HEATR4: variants seen among roughly 807,000 people sequenced by gnomAD.
HEATR4 encodes the protein HEAT repeat-containing protein 4.
A neutral mutation model predicts 108.8 loss-of-function variants in HEATR4; 95 were observed. The ratio of observed to expected loss-of-function variants is 0.87; its 90% CI spans 0.74 to 1.04. The LOEUF (loss-of-function observed/expected upper bound fraction) is 1.04, where lower values mean the gene tolerates loss of function less well. HEATR4 is among the 50% of genes least tolerant of loss of function. HEATR4 has a pLI of 0.00. For missense variants in HEATR4, 1,152 were observed against 1,253.8 expected (o/e 0.92, Z 1.23); for synonymous variants, 443 against 459.4 (o/e 0.96, Z 0.46).
At chr14:73,487,894 A>C (rs577291789) in intron 17 of HEATR4, among the ~76,000 whole-genome samples, 1 of 152,306 alleles carries the variant, frequency 6.6e-6, no homozygotes, top group Non-Finnish European at 1.5e-5. Flanking sequence ...AAAACATATA[A>C]AGGATGATAT....
the HEATR4 span, among the ~76,000 whole-genome samples, chr14:73,570,457 T>C: frequency 8.6e-5 from 13 of 151,782 alleles, 1 homozygote; most frequent in African/African-American, 3.1e-4. Flanking sequence ...TAGTCCCAGC[T>C]ACTCGGGAGG....
At chr14:73,603,570 G>T in the HEATR4 span, among the ~76,000 whole-genome samples, 1 of 151,830 alleles carries the variant, frequency 6.6e-6, no homozygotes, top group African/African-American at 2.4e-5. Flanking sequence ...AGCCAGGATG[G>T]TCTCGATCTC....
chr14:73,509,810 C>CTATATATATA lies in HEATR4; in HGVS notation c.1559-338_1559-337insTATATATATA, dbSNP rs1887091045. Reference sequence around the variant, plus strand: ...AAAGCAACCAATTTGCCCCATGAGCCCATATATATATATATATATATATAT... The same window carrying CTATATATATA: ...AAAGCAACCAATTTGCCCCATGAGCCTATATATATACATATATATATATATATATATATAT... On this transcript the variant is annotated intron_variant, in intron 7 of 17. Transcript: ENST00000553558. Among the ~76,000 whole-genome samples the CTATATATATA allele has an allele frequency of 3.3e-4, 21 of 63,196 alleles. 7 individuals are homozygous for CTATATATATA. Among genetic ancestry groups the CTATATATATA allele is most frequent in the Admixed American group, 7.0e-4 (3 of 4,306 alleles). 41.5% of individuals were successfully genotyped at this position (63,196 alleles called of 152,430 possible).
intron 5 of HEATR4, 41 bp from the exon 6 acceptor site, chr14:73,514,275 C>G: frequency 6.3e-7 from 1 of 1,577,410 alleles, no homozygotes; most frequent in Non-Finnish European, 8.7e-7. Flanking sequence ...ACCCCACTGC[C>G]TTAGGCCCTG....
chr14:73,484,622 C>A (rs1885376228), intron 17 of HEATR4, among the ~76,000 whole-genome samples: 1 of 152,016 alleles, frequency 6.6e-6, no homozygotes, highest in Non-Finnish European at 1.5e-5. Context: ...CCAAGTGATC[C>A]TCCCGCCTCA....
the HEATR4 span, chr14:73,620,015 T>C: frequency 1.1e-5 from 7 of 659,458 alleles, no homozygotes; most frequent in Non-Finnish European, 1.7e-5. Context: ...AGGTCCAAGC[T>C]GTTCTCCGAC....
chr14:73,613,115 C>G, the HEATR4 span: 1 of 512,040 alleles, frequency 2.0e-6, no homozygotes, highest in Admixed American at 4.3e-5. Flanking sequence ...TGTGGAACAT[C>G]CCTGAACTTG....
intron 17 of HEATR4, among the ~76,000 whole-genome samples, chr14:73,482,663 C>A (rs1166434775): frequency 6.6e-6 from 1 of 152,104 alleles, no homozygotes; most frequent in Non-Finnish European, 1.5e-5. Context: ...GAAGAGTGAA[C>A]CTTATTTTTT....
At chr14:73,630,870 C>T in the HEATR4 span, among the ~76,000 whole-genome samples, 1 of 152,176 alleles carries the variant, frequency 6.6e-6, no homozygotes, top group African/African-American at 2.4e-5. Context: ...CAAAGAAAAA[C>T]TTTCCCTTCT....
chr14:73,590,076 C>G, the HEATR4 span, among the ~76,000 whole-genome samples: 7 of 152,300 alleles, frequency 4.6e-5, no homozygotes, highest in South Asian at 1.2e-3. Flanking sequence ...AACAAACCTT[C>G]CCGCAACGTA....
At chr14:73,521,286 C>A (rs1201155715) in intron 3 of HEATR4, among the ~76,000 whole-genome samples, 1 of 152,134 alleles carries the variant, frequency 6.6e-6, no homozygotes, top group Admixed American at 6.5e-5. Flanking sequence ...CTGCAGCCAC[C>A]AAGCAGCAGG....
the HEATR4 span, among the ~76,000 whole-genome samples, chr14:73,590,117 G>C: frequency 2.0e-5 from 3 of 152,280 alleles, 1 homozygote; most frequent in South Asian, 6.2e-4. Context: ...GCCACTGCTA[G>C]CTCTGGCAGC....
the HEATR4 span, among the ~76,000 whole-genome samples, chr14:73,570,991 A>T: frequency 0.7 from 90,712 of 128,992 alleles, 30,086 homozygotes; most frequent in African/African-American, 0.83. Context: ...TTTTTTTTTT[A>T]AATAAGAATT....
At chr14:73,509,214 A>G (rs899701399) in intron 8 of HEATR4, 98 bp downstream of exon 8, 7 of 1,182,172 alleles carry the variant, frequency 5.9e-6, no homozygotes, top group South Asian at 4.0e-5. Flanking sequence ...TACAGCAGAC[A>G]TTGCAGAGCA....
chr14:73,544,065 C>T (rs535396565), intron 1 of HEATR4, among the ~76,000 whole-genome samples: 1 of 114,044 alleles, frequency 8.8e-6, no homozygotes, highest in African/African-American at 2.8e-5. Context: ...GGCCAAGGTG[C>T]GCGGATTACT....
At chr14:73,571,754 CT>C in the HEATR4 span, 4 of 152,016 alleles carry the variant, frequency 2.6e-5, no homozygotes, top group African/African-American at 9.7e-5. Context: ...CAGAAATGTT[CT>C]TTAAAAGTTT....
At chr14:73,486,511 A>G (rs4903116) in intron 17 of HEATR4, among the ~76,000 whole-genome samples, 53,628 of 152,018 alleles carry the variant, frequency 0.35, 9,784 homozygotes, top group East Asian at 0.5. Flanking sequence ...CAGCTTGACC[A>G]ACATGGCGAA....
the HEATR4 span, among the ~76,000 whole-genome samples, chr14:73,588,786 CTTTT>C: frequency 3.3e-5 from 5 of 151,776 alleles, 1 homozygote; most frequent in Admixed American, 1.3e-4. Context: ...ATTTACTTTT[CTTTT>C]TTGTGTTTAA....
the HEATR4 span, among the ~76,000 whole-genome samples, chr14:73,578,260 C>T: frequency 1.4e-5 from 2 of 141,252 alleles, no homozygotes; most frequent in Non-Finnish European, 3.0e-5. Context: ...GACAGGATCT[C>T]TCACCCAGGC....
Sources: gnomAD v4.1 joint callset for allele counts (sites outside exome capture counted in the v4.1 genomes callset) on GRCh38, gnomAD v4.1.1 for gene constraint, MANE v1.5 for transcripts, NCBI Gene and HGNC (gene_info 2026-07-23, HGNC 2026-07-21) for gene names.